Variants in SPIN1 observed in about 807,000 individuals in gnomAD.
SPIN1 encodes the protein spindlin-1.
SPIN1 carries 3 observed loss-of-function variants against 26.0 expected under a neutral mutation model. The observed-to-expected ratio is 0.12, with a 90% confidence interval of 0.05 to 0.30. SPIN1 has a LOEUF of 0.30. Ranked by LOEUF, SPIN1 falls within the 10% of genes least tolerant of loss-of-function variation. The probability of loss-of-function intolerance (pLI) is 1.00; values close to 1 mark genes in which losing one functional copy is unlikely to be tolerated. For synonymous variants in SPIN1, 101 were observed against 116.5 expected, an observed-to-expected ratio of 0.87 and a Z score of 0.86; for missense variants, 126 against 333.4, an observed-to-expected ratio of 0.38 and a Z score of 4.84.
chr9:88,448,652 CAT>C (rs1828299870), intron 2 of SPIN1, among the ~76,000 whole-genome samples: 1 of 152,152 alleles, frequency 6.6e-6, no homozygotes, highest in African/African-American at 2.4e-5. Context: ...CAGGCTGACA[CAT>C]AGTTTTTCTT....
At position 88,475,487 on chromosome 9, in the gene SPIN1, G is replaced by A. The variant is rs371078037; in HGVS notation, c.*210G>A. The A allele has an allele frequency of 7.1e-6, 3 of 423,802 alleles. No individual in the cohort carries two copies. Among genetic ancestry groups the A allele is most frequent in the Non-Finnish European group, 1.2e-5 (3 of 244,188 alleles). The allele number at this position is 423,802 out of a possible 1,614,324, so 26.3% of individuals were successfully genotyped here. A position where few individuals can be genotyped will look rare whatever the true frequency, so the allele number is the denominator to read the frequency against. On this transcript the variant is annotated 3_prime_UTR_variant, in exon 6 of 6. Coordinates refer to ENST00000375859, the MANE Select transcript of SPIN1 (RefSeq NM_006717.3). ...GGAGAACCCCTTTCTTTTAAAAGAA[G>A]TCTGTCTATTTCGAGGGGAGTTACA...
chr9:88,468,978 C>A (rs574566906), intron 5 of SPIN1, among the ~76,000 whole-genome samples: 1 of 152,098 alleles, frequency 6.6e-6, no homozygotes, highest in South Asian at 2.1e-4. Flanking sequence ...ATCTGTTAGT[C>A]CCCCCAGTGC....
intron 1 of SPIN1, among the ~76,000 whole-genome samples, chr9:88,401,305 C>T (rs1239130003): frequency 6.6e-6 from 1 of 152,088 alleles, no homozygotes; most frequent in Non-Finnish European, 1.5e-5. Flanking sequence ...GAGTAAATGA[C>T]CATTATACCC....
chr9:88,445,296 T>C (rs1828223169), intron 2 of SPIN1, among the ~76,000 whole-genome samples: 1 of 152,098 alleles, frequency 6.6e-6, no homozygotes, highest in Admixed American at 6.6e-5. Context: ...TTGCTCCTGC[T>C]TCCTGTCTGT....
intron 3 of SPIN1, among the ~76,000 whole-genome samples, chr9:88,460,755 T>A (rs961027003): frequency 2.6e-5 from 4 of 152,226 alleles, no homozygotes; most frequent in African/African-American, 9.6e-5. Flanking sequence ...CAGAATGGAT[T>A]ATGGCCACCC....
intron 1 of SPIN1, among the ~76,000 whole-genome samples, chr9:88,419,798 A>G (rs956058240): frequency 2.0e-5 from 3 of 152,194 alleles, no homozygotes; most frequent in Non-Finnish European, 2.9e-5. Context: ...GCACTGGGCC[A>G]TGATAGACCA....
chr9:88,396,816 T>C (rs796341789), intron 1 of SPIN1, among the ~76,000 whole-genome samples: 11 of 152,226 alleles, frequency 7.2e-5, no homozygotes, highest in African/African-American at 1.9e-4. Context: ...CTATGTAATA[T>C]GGCTTAATGC....
chr9:88,473,512 T>C (rs887986810), intron 5 of SPIN1, among the ~76,000 whole-genome samples: 3 of 152,224 alleles, frequency 2.0e-5, no homozygotes, highest in Admixed American at 6.5e-5. Flanking sequence ...ATGAGGTGAC[T>C]TGAACATTTT....
At chr9:88,459,459 TA>T (rs1828534183) in intron 3 of SPIN1, among the ~76,000 whole-genome samples, 2 of 152,188 alleles carry the variant, frequency 1.3e-5, no homozygotes, top group Non-Finnish European at 2.9e-5. Flanking sequence ...GTTATATATA[TA>T]TATTGGTTCC....
intron 3 of SPIN1, among the ~76,000 whole-genome samples, chr9:88,456,957 A>G (rs1828484749): frequency 6.6e-6 from 1 of 152,192 alleles, no homozygotes; most frequent in Admixed American, 6.5e-5. Flanking sequence ...CATTAAAAAT[A>G]TTATGCAAGA....
intron 2 of SPIN1, among the ~76,000 whole-genome samples, chr9:88,441,119 A>G (rs557282931): frequency 6.1e-4 from 92 of 151,994 alleles, no homozygotes; most frequent in African/African-American, 9.2e-4. Context: ...TACTATAAAC[A>G]TGTACATTAT....
chr9:88,410,634 G>A, intron 1 of SPIN1: 3 of 1,081,664 alleles, frequency 2.8e-6, no homozygotes, highest in Non-Finnish European at 4.2e-6. Context: ...CACCATAGGG[G>A]CCAGAGCTTC....
In SPIN1 at chr9:88,439,443, AG is replaced by A. The variant is rs145772246; in HGVS notation, c.53-9493del. Among the ~76,000 whole-genome samples the A allele has an allele frequency of 7.8e-3, 1,190 of 152,330 alleles. 9 individuals carry two copies. Among genetic ancestry groups the A allele is most frequent in the African/African-American group, 0.027 (1,106 of 41,574 alleles). Reference sequence around the variant, plus strand: ...TAAAATATTACATAAAATTACTTTCAGGGGGTATATAGAAGGTTTATATGAA... The same window carrying A: ...TAAAATATTACATAAAATTACTTTCAGGGGTATATAGAAGGTTTATATGAA... On this transcript the variant is annotated intron_variant, in intron 2 of 5. Coordinates refer to ENST00000375859, the MANE Select transcript of SPIN1 (RefSeq NM_006717.3).
chr9:88,441,414 T>TGTGTGTGTGTGTGTGTGTGTGTGTGCGC lies in SPIN1; in HGVS notation c.53-7526_53-7525insTGTGTGTGTGTGTGTGTGTGTGTGCGCG. Among the ~76,000 whole-genome samples, 35 of 141,258 alleles carry TGTGTGTGTGTGTGTGTGTGTGTGTGCGC rather than the reference T, an allele frequency of 2.5e-4. 2 individuals carry two copies. Among genetic ancestry groups the TGTGTGTGTGTGTGTGTGTGTGTGTGCGC allele is most frequent in the Admixed American group, 8.3e-4 (12 of 14,508 alleles). 92.7% of individuals were successfully genotyped at this position (141,258 alleles called of 152,430 possible). A position where few individuals can be genotyped will look rare whatever the true frequency, so the allele number is the denominator to read the frequency against. On this transcript the variant is annotated intron_variant, in intron 2 of 5. Transcript: ENST00000375859. ...GCTGCCATTCGTGTGTGTGTGTGTG[T>TGTGTGTGTGTGTGTGTGTGTGTGTGCGC]GCGCGCGCGCGCGCCCATGTGTGTG...
chr9:88,456,659 T>C (rs1828478747), intron 3 of SPIN1, among the ~76,000 whole-genome samples: 1 of 152,210 alleles, frequency 6.6e-6, no homozygotes, highest in Non-Finnish European at 1.5e-5. Flanking sequence ...CCAGAGAGTC[T>C]GACTTGAGCT....
At chr9:88,462,468 C>A in intron 3 of SPIN1, 28 bp from the exon 4 acceptor site, 1 of 1,607,640 alleles carries the variant, frequency 6.2e-7, no homozygotes, top group Non-Finnish European at 8.5e-7. Flanking sequence ...TGAGATAATA[C>A]CTTATGTGTG....
chr9:88,437,081 A>G (rs1229986605), intron 2 of SPIN1, among the ~76,000 whole-genome samples: 1 of 151,594 alleles, frequency 6.6e-6, no homozygotes, highest in Non-Finnish European at 1.5e-5. Context: ...GTGTCTTTTT[A>G]TGGCTTGATA....
At chr9:88,424,571 A>C (rs984857382) in intron 1 of SPIN1, among the ~76,000 whole-genome samples, 1 of 152,212 alleles carries the variant, frequency 6.6e-6, no homozygotes, top group Non-Finnish European at 1.5e-5. Context: ...TGAGGGAGAT[A>C]ATGCGATATT....
rs537456468 is a variant in SPIN1 at position 88,453,602 on chromosome 9, C to T, written c.101+4613C>T. On this transcript the variant is annotated intron_variant, in intron 3 of 5. Transcript: ENST00000375859. Reference sequence around the variant, plus strand: ...CCCAGACTGGAGTGCAGTCGGCTCACCACAACCTCCACCTCCTGGGTTCAA... The same window carrying T: ...CCCAGACTGGAGTGCAGTCGGCTCATCACAACCTCCACCTCCTGGGTTCAA... 1.3e-3 allele frequency among the ~76,000 whole-genome samples: 193 copies of T among 152,042 alleles called. No individual in the cohort carries two copies. The Middle Eastern group carries it at 0.014, about 11-fold the overall frequency.
Sources: gnomAD v4.1 joint callset for allele counts (sites outside exome capture counted in the v4.1 genomes callset) on GRCh38, gnomAD v4.1.1 for gene constraint, MANE v1.5 for transcripts, NCBI Gene and HGNC (gene_info 2026-07-23, HGNC 2026-07-21) for gene names.